Variants in NELL2 observed in about 807,000 individuals in gnomAD.
NELL2 encodes neural EGFL like 2.
A neutral mutation model predicts 109.6 loss-of-function variants in NELL2; 41 were observed. That is an observed-to-expected ratio of 0.37 (90% confidence interval 0.29 to 0.49). The LOEUF is 0.49. NELL2 is among the 20% of genes least tolerant of loss of function. The pLI, the probability that NELL2 is intolerant of heterozygous loss-of-function variation, is 0.98. For missense variants in NELL2, 900 were observed against 1,008.3 expected, an observed-to-expected ratio of 0.89 and a Z score of 1.45; for synonymous variants, 355 against 344.7, an observed-to-expected ratio of 1.03 and a Z score of -0.33.
At chr12:44,556,274 C>A (rs17094772) in intron 15 of NELL2, among the ~76,000 whole-genome samples, 15,971 of 152,166 alleles carry the variant, frequency 0.1, 2,824 homozygotes, top group African/African-American at 0.36. Flanking sequence ...AACAAATGAG[C>A]TAGTCTCTGT....
chr12:44,822,870 T>TA (rs1943589413), intron 2 of NELL2, among the ~76,000 whole-genome samples: 1 of 152,100 alleles, frequency 6.6e-6, no homozygotes, highest in East Asian at 1.9e-4. Flanking sequence ...GTGGCTACAG[T>TA]AAAAATTTCT....
chr12:44,718,045 G>A (rs1938580891), intron 9 of NELL2, among the ~76,000 whole-genome samples: 1 of 152,210 alleles, frequency 6.6e-6, no homozygotes, highest in South Asian at 2.1e-4. Flanking sequence ...GGGCATGAGA[G>A]AGCGGAACAC....
chr12:44,852,100 A>G (rs916822918), intron 2 of NELL2, among the ~76,000 whole-genome samples: 1 of 152,122 alleles, frequency 6.6e-6, no homozygotes, highest in Admixed American at 6.6e-5. Flanking sequence ...TCTCCATTTA[A>G]TCCACTAAAA....
intron 13 of NELL2, among the ~76,000 whole-genome samples, chr12:44,628,400 C>A (rs185234852): frequency 6.6e-6 from 1 of 152,180 alleles, no homozygotes; most frequent in Non-Finnish European, 1.5e-5. Flanking sequence ...CACTGAAACA[C>A]AATCCAAGCC....
intron 16 of NELL2, 60 bp downstream of exon 16, chr12:44,532,521 T>G: frequency 6.5e-7 from 1 of 1,539,254 alleles, no homozygotes; most frequent in South Asian, 1.2e-5. Flanking sequence ...TTATAGCTTA[T>G]GATATATTCC....
chr12:44,776,337 T>C (rs1479480266), intron 7 of NELL2, among the ~76,000 whole-genome samples, 187 bp from the exon 8 acceptor site: 4 of 152,234 alleles, frequency 2.6e-5, no homozygotes, highest in Non-Finnish European at 2.9e-5. Flanking sequence ...TCTCCTCTTC[T>C]TTTTGTGATA....
intron 12 of NELL2, among the ~76,000 whole-genome samples, chr12:44,692,395 T>A (rs1415071098): frequency 6.6e-6 from 1 of 152,166 alleles, no homozygotes; most frequent in African/African-American, 2.4e-5. Context: ...ATGTACTTAG[T>A]CACCCAAGAG....
At chr12:44,913,729 C>G in intron 1 of NELL2, 1 of 589,352 alleles carries the variant, frequency 1.7e-6, no homozygotes, top group Non-Finnish European at 2.9e-6. Flanking sequence ...GGTCACTATA[C>G]CCTCCTTAAA....
intron 12 of NELL2, among the ~76,000 whole-genome samples, chr12:44,702,765 T>C (rs1316615714): frequency 1.3e-5 from 2 of 152,176 alleles, no homozygotes; most frequent in African/African-American, 2.4e-5. Context: ...TAAAGAAATA[T>C]TTTAATCCAA....
chr12:44,850,370 G>A (rs1944497989), intron 2 of NELL2, among the ~76,000 whole-genome samples: 1 of 152,056 alleles, frequency 6.6e-6, no homozygotes, highest in East Asian at 1.9e-4. Flanking sequence ...TAGAGATAGA[G>A]TGACAAGGAT....
intron 3 of NELL2, among the ~76,000 whole-genome samples, chr12:44,815,112 A>G (rs1943298644): frequency 6.6e-6 from 1 of 152,182 alleles, no homozygotes; most frequent in Non-Finnish European, 1.5e-5. Context: ...AGAAGGAATA[A>G]TCTTAAACTA....
chr12:44,831,418 A>T (rs570590617), intron 2 of NELL2, among the ~76,000 whole-genome samples: 114 of 152,334 alleles, frequency 7.5e-4, no homozygotes, highest in African/African-American at 2.6e-3. Context: ...TATATATTAC[A>T]TAATGATCAT....
chr12:44,537,660 G>C (rs991796858), intron 15 of NELL2, among the ~76,000 whole-genome samples: 2 of 152,066 alleles, frequency 1.3e-5, no homozygotes, highest in African/African-American at 4.8e-5. Flanking sequence ...ATGAACTCTT[G>C]ATTACCCACA....
At chr12:44,696,959 T>C (rs1437583832) in intron 12 of NELL2, among the ~76,000 whole-genome samples, 2 of 152,154 alleles carry the variant, frequency 1.3e-5, no homozygotes, top group Non-Finnish European at 2.9e-5. Context: ...AATAACACAG[T>C]ATATAATAAA....
intron 2 of NELL2, among the ~76,000 whole-genome samples, chr12:44,851,321 T>A (rs1447802795): frequency 6.6e-6 from 1 of 152,130 alleles, no homozygotes. Flanking sequence ...TAAATATTAA[T>A]GGTTAAACTT....
chr12:44,749,222 G>A (rs924442951), intron 9 of NELL2, among the ~76,000 whole-genome samples: 3 of 152,034 alleles, frequency 2.0e-5, no homozygotes, highest in African/African-American at 7.2e-5. Flanking sequence ...AATTTCCCTC[G>A]GGAAGTCAGT....
At chr12:44,546,750 G>A (rs1942810777) in intron 15 of NELL2, among the ~76,000 whole-genome samples, 1 of 152,014 alleles carries the variant, frequency 6.6e-6, no homozygotes, top group East Asian at 1.9e-4. Context: ...TTATTGCCAA[G>A]GCAACCCCAA....
chr12:44,721,148 G>A (rs1938748965), intron 9 of NELL2, among the ~76,000 whole-genome samples: 1 of 152,184 alleles, frequency 6.6e-6, no homozygotes, highest in Admixed American at 6.5e-5. Flanking sequence ...GCTGTAAGCA[G>A]AGATTCAGCA....
chr12:44,917,555 C>A (rs868303592), upstream of NELL2, among the ~76,000 whole-genome samples: 24 of 152,218 alleles, frequency 1.6e-4, no homozygotes, highest in Admixed American at 4.6e-4. Context: ...CCTTGGTGTT[C>A]ATACCCTGTA....
Sources: gnomAD v4.1 joint callset for allele counts (sites outside exome capture counted in the v4.1 genomes callset) on GRCh38, gnomAD v4.1.1 for gene constraint, MANE v1.5 for transcripts, NCBI Gene and HGNC (gene_info 2026-07-23, HGNC 2026-07-21) for gene names.